DAB1: variants seen among roughly 807,000 people sequenced by gnomAD.
DAB1 encodes the protein DAB adaptor protein 1.
DAB1 carries 15 observed loss-of-function variants against 64.6 expected under a neutral mutation model. That is an observed-to-expected ratio of 0.23 (90% CI 0.16 to 0.36). The LOEUF (loss-of-function observed/expected upper bound fraction) is 0.36. Among genes scored for constraint, DAB1 ranks in the 10% least tolerant of loss-of-function variants. The pLI is 1.00. For missense variants in DAB1, 596 were observed against 706.7 expected (o/e 0.84, Z 1.78); for synonymous variants, 235 against 251.9 (o/e 0.93, Z 0.64).
At chr1:57,529,486 C>T (rs1644635978) in intron 7 of DAB1, among the ~76,000 whole-genome samples, 1 of 151,950 alleles carries the variant, frequency 6.6e-6, no homozygotes, top group Admixed American at 6.6e-5. Flanking sequence ...ACACATAATG[C>T]CCTTGAAATA....
chr1:57,913,627 C>A (rs1245848680), intron 5 of DAB1, among the ~76,000 whole-genome samples: 1 of 152,106 alleles, frequency 6.6e-6, no homozygotes, highest in African/African-American at 2.4e-5. Flanking sequence ...TTCTGCACAG[C>A]AAAAGAAACT....
chr1:58,407,734 G>A (rs1233566322), intron 3 of DAB1, among the ~76,000 whole-genome samples: 1 of 152,128 alleles, frequency 6.6e-6, no homozygotes, highest in Non-Finnish European at 1.5e-5. Flanking sequence ...TTGTTACCCT[G>A]CAATATCTTC....
At chr1:58,138,675 ATAAAGTCTGTAC>A (rs1183959342) in intron 5 of DAB1, among the ~76,000 whole-genome samples, 5 of 152,214 alleles carry the variant, frequency 3.3e-5, no homozygotes, top group Non-Finnish European at 7.3e-5. Flanking sequence ...AAACAATGCA[ATAAAGTCTGTAC>A]TTTCAAAATA....
intron 5 of DAB1, among the ~76,000 whole-genome samples, chr1:58,032,702 C>T (rs1646988934): frequency 3.3e-5 from 5 of 152,224 alleles, no homozygotes; most frequent in Admixed American, 3.3e-4. Context: ...TTCCAATCCA[C>T]CCTTCACTGT....
intron 2 of DAB1, among the ~76,000 whole-genome samples, chr1:58,509,719 T>G (rs934145672): frequency 1.3e-5 from 2 of 151,222 alleles, no homozygotes; most frequent in African/African-American, 4.8e-5. Context: ...AAGAGCTTTT[T>G]GGGGAAAGAT....
intron 1 of DAB1, among the ~76,000 whole-genome samples, chr1:57,380,122 G>A (rs571413110): frequency 3.2e-4 from 49 of 152,150 alleles, no homozygotes; most frequent in African/African-American, 1.1e-3. Context: ...GGTGTCAGGC[G>A]CATTCATTAT....
rs559436753 is a variant in DAB1 at position 58,387,887 on chromosome 1, T to C, written n.258-44484A>G. Among the ~76,000 whole-genome samples the C allele has an allele frequency of 4.2e-3, 633 of 151,946 alleles. 3 individuals are homozygous for C. The highest frequency in any genetic ancestry group is 0.015 in the African/African-American group (603 of 41,444). On this transcript the variant is annotated intron_variant and non_coding_transcript_variant, in intron 3 of 20. Coordinates refer to the DAB1 transcript ENST00000485760. ...GACTACAGGCGCCCGCCACCACGCCTGGTTAATTTTTTTGTATTTTTAGTA... is the reference window on the plus strand; with the variant it reads ...GACTACAGGCGCCCGCCACCACGCCCGGTTAATTTTTTTGTATTTTTAGTA...
intron 3 of DAB1, among the ~76,000 whole-genome samples, chr1:58,478,113 T>C (rs768347499): frequency 1.1e-4 from 16 of 152,292 alleles, no homozygotes; most frequent in Non-Finnish European, 1.5e-4. Flanking sequence ...AGGTAAGTGA[T>C]TGAATCATGG....
chr1:57,946,708 G>A (rs569940222), intron 5 of DAB1, among the ~76,000 whole-genome samples: 4 of 152,300 alleles, frequency 2.6e-5, no homozygotes, highest in Non-Finnish European at 2.9e-5. Flanking sequence ...TTCTGGTAAC[G>A]GCCCCTCTTC....
At chr1:57,864,725 T>C (rs1423668589) in intron 1 of DAB1, 1 of 151,588 alleles carries the variant, frequency 6.6e-6, no homozygotes, top group Non-Finnish European at 1.5e-5. Context: ...TCTCCCTATG[T>C]TGCCCAGGCT....
chr1:57,475,471 G>A (rs528843731), intron 7 of DAB1, among the ~76,000 whole-genome samples: 1 of 152,178 alleles, frequency 6.6e-6, no homozygotes, highest in Non-Finnish European at 1.5e-5. Context: ...AGGGTGGCCA[G>A]TGAATAGTAA....
At chr1:57,891,789 G>C (rs868641263) in intron 5 of DAB1, among the ~76,000 whole-genome samples, 9 of 151,956 alleles carry the variant, frequency 5.9e-5, no homozygotes, top group Non-Finnish European at 1.5e-5. Flanking sequence ...AGTGGGAGTT[G>C]AACAAAGAGA....
chr1:58,286,003 A>G (rs1219532657), intron 4 of DAB1, among the ~76,000 whole-genome samples: 1 of 152,206 alleles, frequency 6.6e-6, no homozygotes, highest in East Asian at 1.9e-4. Context: ...GAACTCAAAA[A>G]TAGGACCAAA....
intron 3 of DAB1, among the ~76,000 whole-genome samples, chr1:58,429,050 T>G (rs1258667049): frequency 1.3e-5 from 2 of 152,202 alleles, no homozygotes; most frequent in Non-Finnish European, 2.9e-5. Flanking sequence ...AATTATAATG[T>G]TTGCACAGTT....
intron 4 of DAB1, among the ~76,000 whole-genome samples, chr1:57,094,530 G>A (rs1653982543): frequency 6.6e-6 from 1 of 152,142 alleles, no homozygotes; most frequent in South Asian, 2.1e-4. Flanking sequence ...GGCGAAGGGG[G>A]GATTTGGGGA....
intron 1 of DAB1, among the ~76,000 whole-genome samples, chr1:57,328,910 A>C (rs1676409935): frequency 6.6e-6 from 1 of 152,196 alleles, no homozygotes; most frequent in African/African-American, 2.4e-5. Context: ...TCTGTCTATT[A>C]TTAATAAAAT....
chr1:57,737,964 C>T (rs557406470), intron 6 of DAB1, among the ~76,000 whole-genome samples: 1 of 152,308 alleles, frequency 6.6e-6, no homozygotes, highest in Admixed American at 6.5e-5. Flanking sequence ...AAGTCCTGCT[C>T]AATCCAAGGT....
chr1:58,161,246 G>A (rs1051869639), intron 4 of DAB1, among the ~76,000 whole-genome samples: 1 of 152,186 alleles, frequency 6.6e-6, no homozygotes, highest in Non-Finnish European at 1.5e-5. Context: ...TTGCCTTAGA[G>A]AGCGCAAGTT....
At chr1:58,500,620 G>C (rs927441673) in intron 3 of DAB1, among the ~76,000 whole-genome samples, 2 of 152,054 alleles carry the variant, frequency 1.3e-5, no homozygotes, top group Non-Finnish European at 2.9e-5. Flanking sequence ...TCTGAATAAA[G>C]CCAGTATTGA....
Sources: allele counts gnomAD v4.1 joint callset (sites outside exome capture counted in the v4.1 genomes callset), GRCh38; gene constraint gnomAD v4.1.1; transcripts MANE v1.5; gene names NCBI Gene and HGNC (gene_info 2026-07-23, HGNC 2026-07-21).